Variants in FAAH2 observed in about 807,000 individuals in gnomAD.
FAAH2 encodes the protein fatty acid amide hydrolase 2.
A neutral mutation model predicts 36.9 loss-of-function variants in FAAH2; 60 were observed. The ratio of observed to expected loss-of-function variants is 1.63; its 90% CI spans 1.32 to 2.02. The LOEUF is 2.02. Ranked by LOEUF, FAAH2 falls within the 30% of genes most tolerant of loss-of-function variation. FAAH2 has a pLI of 0.00. For missense variants in FAAH2, 689 were observed against 397.5 expected (o/e 1.73, Z -6.23); for synonymous variants, 214 against 143.8 (o/e 1.49, Z -3.49).
At chrX:57,203,105 A>G in the FAAH2 span, among the ~76,000 whole-genome samples, 2 of 112,257 alleles carry the variant, frequency 1.8e-5, no homozygotes, top group Non-Finnish European at 3.8e-5. Flanking sequence ...GGTGTGGGGT[A>G]GGAAATCAGG....
chrX:57,361,622 T>C (rs2147141144), intron 5 of FAAH2, among the ~76,000 whole-genome samples: 1 of 111,567 alleles, frequency 9.0e-6, no homozygotes, highest in African/African-American at 3.2e-5. Flanking sequence ...TGATTTCCAG[T>C]ATTATTTAAT....
chrX:57,256,796 T>C, the FAAH2 span, among the ~76,000 whole-genome samples: 1 of 112,137 alleles, frequency 8.9e-6, no homozygotes, highest in Non-Finnish European at 1.9e-5. Context: ...CGTCTATCCA[T>C]GTGACAAAGG....
the FAAH2 span, among the ~76,000 whole-genome samples, chrX:57,193,154 A>C: frequency 8.9e-6 from 1 of 111,949 alleles, no homozygotes; most frequent in Non-Finnish European, 1.9e-5. Flanking sequence ...GTTTCTCAGC[A>C]AGGAACATCC....
intron 7 of FAAH2, among the ~76,000 whole-genome samples, chrX:57,387,145 A>AT (rs1188088454): frequency 1.8e-5 from 2 of 111,558 alleles, no homozygotes; most frequent in East Asian, 2.8e-4. Flanking sequence ...ATTAAAAATT[A>AT]TTTTTTGCCA....
the FAAH2 span, among the ~76,000 whole-genome samples, chrX:57,209,325 A>G: frequency 8.9e-6 from 1 of 112,228 alleles, no homozygotes; most frequent in African/African-American, 3.2e-5. Flanking sequence ...GTCTCACCCA[A>G]GACTCTTGAT....
intron 8 of FAAH2, among the ~76,000 whole-genome samples, chrX:57,432,958 C>A (rs1433329354): frequency 9.3e-6 from 1 of 107,305 alleles, no homozygotes; most frequent in African/African-American, 3.4e-5. Flanking sequence ...CTCACACGAC[C>A]CTCTCTACCT....
At chrX:57,200,744 T>C in the FAAH2 span, among the ~76,000 whole-genome samples, 1 of 111,965 alleles carries the variant, frequency 8.9e-6, no homozygotes, top group Non-Finnish European at 1.9e-5. Context: ...TCTTGAAAAG[T>C]TGTAATTATT....
At chrX:57,478,413 T>C (rs755767529) in intron 10 of FAAH2, among the ~76,000 whole-genome samples, 197 of 111,600 alleles carry the variant, frequency 1.8e-3, no homozygotes, top group Middle Eastern at 4.7e-3. Context: ...GAGTAGGTTG[T>C]GAAAATTTTC....
At chrX:57,223,837 C>T in the FAAH2 span, among the ~76,000 whole-genome samples, 1 of 111,896 alleles carries the variant, frequency 8.9e-6, no homozygotes, top group Non-Finnish European at 1.9e-5. Context: ...AACGGACCCT[C>T]CTTCATCAGC....
At chrX:57,182,963 T>A in the FAAH2 span, among the ~76,000 whole-genome samples, 1 of 110,931 alleles carries the variant, frequency 9.0e-6, no homozygotes, top group East Asian at 2.8e-4. Context: ...ATACTGCATG[T>A]TCCCATTTGT....
the FAAH2 span, among the ~76,000 whole-genome samples, chrX:57,210,037 G>C: frequency 9.1e-6 from 1 of 110,344 alleles, no homozygotes; most frequent in Non-Finnish European, 1.9e-5. Flanking sequence ...TGCTGCCCCT[G>C]CCAGGGGTGA....
intron 7 of FAAH2, among the ~76,000 whole-genome samples, chrX:57,397,791 G>A (rs986267653): frequency 2.6e-4 from 29 of 109,446 alleles, no homozygotes; most frequent in Non-Finnish European, 3.2e-4. Context: ...GCCTTGTTGG[G>A]GTGCTGCACC....
the FAAH2 span, among the ~76,000 whole-genome samples, chrX:57,181,982 A>T: frequency 1.8e-5 from 2 of 111,651 alleles, no homozygotes; most frequent in African/African-American, 3.3e-5. Flanking sequence ...TAGAAAAAAA[A>T]CCCTCCCTGT....
intron 7 of FAAH2, among the ~76,000 whole-genome samples, chrX:57,385,495 C>T (rs1268736255): frequency 6.3e-5 from 7 of 111,305 alleles, no homozygotes; most frequent in Non-Finnish European, 1.3e-4. Context: ...CATCTTACTG[C>T]CTTCTCCAGA....
chrX:57,436,736 G>A (rs1302160405), intron 8 of FAAH2, among the ~76,000 whole-genome samples: 1 of 111,245 alleles, frequency 9.0e-6, no homozygotes, highest in East Asian at 2.8e-4. Context: ...ATAATGAATA[G>A]CAACATTGAA....
chrX:57,241,051 A>T, the FAAH2 span, among the ~76,000 whole-genome samples: 1 of 112,145 alleles, frequency 8.9e-6, no homozygotes, highest in Non-Finnish European at 1.9e-5. Flanking sequence ...AAAACCTCTG[A>T]GTCCCATGCA....
intron 8 of FAAH2, 94 bp downstream of exon 8, chrX:57,432,131 A>T: frequency 2.6e-6 from 2 of 768,099 alleles, no homozygotes; most frequent in Non-Finnish European, 3.6e-6. Context: ...TAGAGAAAAG[A>T]AACTCATGAA....
At chrX:57,167,884 G>T in the FAAH2 span, among the ~76,000 whole-genome samples, 2 of 111,626 alleles carry the variant, frequency 1.8e-5, no homozygotes, top group Admixed American at 1.9e-4. Flanking sequence ...GCAGACCAGA[G>T]TGGGCCTCCT....
At chrX:57,483,986 G>T (rs1248139338) in intron 10 of FAAH2, among the ~76,000 whole-genome samples, 2 of 109,036 alleles carry the variant, frequency 1.8e-5, no homozygotes, top group African/African-American at 6.7e-5. Context: ...TGTATTTTTA[G>T]TAGAGACGGG....
Sources: gnomAD v4.1 joint callset for allele counts (sites outside exome capture counted in the v4.1 genomes callset) on GRCh38, gnomAD v4.1.1 for gene constraint, MANE v1.5 for transcripts, NCBI Gene and HGNC (gene_info 2026-07-23, HGNC 2026-07-21) for gene names.